Variants in LRRK1 observed in about 807,000 individuals in gnomAD.
The protein encoded by LRRK1 is leucine-rich repeat serine/threonine-protein kinase 1.
LRRK1 carries 113 observed loss-of-function variants against 209.1 expected under a neutral mutation model. The observed-to-expected ratio is 0.54, with a 90% CI of 0.46 to 0.63. The LOEUF (loss-of-function observed/expected upper bound fraction) is 0.63. Among genes scored for constraint, LRRK1 ranks in the 30% least tolerant of loss-of-function variants. The pLI, the probability that LRRK1 is intolerant of heterozygous loss-of-function variation, is 0.00. For missense variants in LRRK1, 2,284 were observed against 2,632.2 expected (o/e 0.87, Z 2.89); for synonymous variants, 1,144 against 1,099.7 (o/e 1.04, Z -0.80).
In LRRK1 at chr15:101,071,638, C is replaced by T. The variant is rs1430911863; in HGVS notation, c.*2790C>T. On this transcript the variant is annotated 3_prime_UTR_variant, in exon 34 of 34. Coordinates refer to ENST00000388948, the MANE Select transcript of LRRK1 (RefSeq NM_024652.6). ...CTCCTGAGCTCAGGTGATCCGCCCG[C>T]CTCATCCTCCCAAAGTGCTGGGATT... 6.6e-6 allele frequency: 1 copy of T among 152,232 alleles called. No individual in the cohort carries two copies. The highest frequency in any genetic ancestry group is 2.4e-5 in the African/African-American group (1 of 41,454). 9.4% of individuals were successfully genotyped at this position (152,232 alleles called of 1,614,324 possible).
intron 33 of LRRK1, chr15:101,067,432 T>TACTTTG: frequency 8.0e-6 from 1 of 124,330 alleles, no homozygotes; most frequent in African/African-American, 4.5e-5. Context: ...TGTGTGTGTG[T>TACTTTG]GTGTGTGTGT....
rs1335611488 is a variant in LRRK1, at chr15:101,073,590, C to T, written c.*4742C>T. Reference sequence around the variant, plus strand: ...GCGCCCCAATCCCTTATTTCTGTGCCCCAACCTCTTATCTCTGTGCCCCAA... The same window carrying T: ...GCGCCCCAATCCCTTATTTCTGTGCTCCAACCTCTTATCTCTGTGCCCCAA... On this transcript the variant is annotated 3_prime_UTR_variant, in exon 34 of 34. Coordinates refer to ENST00000388948, the MANE Select transcript of LRRK1 (RefSeq NM_024652.6). The T allele has an allele frequency of 1.3e-5, 2 of 152,016 alleles. No homozygotes were observed. The highest frequency in any genetic ancestry group is 2.9e-5 in the Non-Finnish European group (2 of 68,014). The allele number at this position is 152,016 out of a possible 1,614,324, so 9.4% of individuals were successfully genotyped here. A position where few individuals can be genotyped will look rare whatever the true frequency, so the allele number is the denominator to read the frequency against.
At position 101,068,972 on chromosome 15, in the gene LRRK1, TTGC is replaced by T; in HGVS notation, c.*129_*131del. Reference sequence around the variant, plus strand: ...CAGATGGAGTTCTCCCCTGAACTCCTTGCTGCTAAGAAGTGCTGAGAAGTTACT... The same window carrying T: ...CAGATGGAGTTCTCCCCTGAACTCCTTGCTAAGAAGTGCTGAGAAGTTACT... On this transcript the variant is annotated 3_prime_UTR_variant, in exon 34 of 34. Coordinates refer to ENST00000388948, the MANE Select transcript of LRRK1 (RefSeq NM_024652.6). 1 of 962,702 alleles carries T rather than the reference TTGC, an allele frequency of 1.0e-6. No homozygotes were observed. Among genetic ancestry groups the T allele is most frequent in the East Asian group, 2.8e-5 (1 of 35,348 alleles). The allele number at this position is 962,702 out of a possible 1,614,324, so 59.6% of individuals were successfully genotyped here. A position where few individuals can be genotyped will look rare whatever the true frequency, so the allele number is the denominator to read the frequency against.
chr15:101,025,333 G>GCTGAGGT (rs2033977601), intron 16 of LRRK1, among the ~76,000 whole-genome samples: 3 of 152,182 alleles, frequency 2.0e-5, no homozygotes, highest in Non-Finnish European at 2.9e-5. Flanking sequence ...CCGTGGAGGA[G>GCTGAGGT]GTCACAGAAC....
At chr15:101,055,597 A>G (rs2035751628) in intron 27 of LRRK1, among the ~76,000 whole-genome samples, 1 of 152,172 alleles carries the variant, frequency 6.6e-6, no homozygotes, top group Non-Finnish European at 1.5e-5. Context: ...ACTCAGGAGG[A>G]GCAGACAGAA....
chr15:101,055,751 G>A (rs1487122306), intron 27 of LRRK1, among the ~76,000 whole-genome samples: 3 of 152,334 alleles, frequency 2.0e-5, no homozygotes, highest in South Asian at 2.1e-4. Context: ...ATGACTAAAT[G>A]TTGATCTTCT....
intron 12 of LRRK1, among the ~76,000 whole-genome samples, chr15:101,019,975 A>G (rs1340667652): frequency 1.3e-5 from 2 of 152,260 alleles, no homozygotes; most frequent in African/African-American, 4.8e-5. Context: ...TAATTAATAA[A>G]GTCACTTAAA....
intron 33 of LRRK1, 141 bp downstream of exon 33, chr15:101,066,882 T>C: frequency 3.8e-6 from 3 of 791,118 alleles, no homozygotes; most frequent in Non-Finnish European, 6.1e-6. Context: ...TAAGGCAAAG[T>C]GGAAACAAGA....
intron 2 of LRRK1, among the ~76,000 whole-genome samples, chr15:100,953,473 G>T (rs1323473769): frequency 6.6e-6 from 1 of 150,570 alleles, no homozygotes; most frequent in African/African-American, 2.4e-5. Context: ...TTTAAAGGTT[G>T]TATAGTATTC....
rs778726767 is a variant in LRRK1, at chr15:101,008,942, C to T, written c.868C>T (p.Leu290=). The T allele has an allele frequency of 1.9e-6, 3 of 1,614,202 alleles. No homozygotes were observed. Among genetic ancestry groups the T allele is most frequent in the East Asian group, 4.5e-5 (2 of 44,876 alleles). ...ITELDLSANC[L]ATLPSVIPWG... ...GGAGCTCGACCTTTCTGCCAACTGC[C>T]TGGCGACCCTCCCCTCGGTTATCCC... The change falls in exon 7 of 34, where the codon CTG becomes TTG. Residue 290 remains leucine, a synonymous_variant. Coordinates refer to ENST00000388948, the MANE Select transcript of LRRK1 (RefSeq NM_024652.6).
intron 2 of LRRK1, among the ~76,000 whole-genome samples, chr15:100,944,981 G>A (rs1199322593): frequency 2.6e-5 from 4 of 151,628 alleles, no homozygotes; most frequent in African/African-American, 4.9e-5. Context: ...TCTGTGCCTT[G>A]CCTGTTTCTT....
intron 2 of LRRK1, among the ~76,000 whole-genome samples, chr15:100,925,412 A>G (rs1228873058): frequency 1.3e-5 from 2 of 152,212 alleles, no homozygotes; most frequent in African/African-American, 2.4e-5. Context: ...CGGGAGTGCT[A>G]TGTGCAGTTA....
intron 2 of LRRK1, among the ~76,000 whole-genome samples, chr15:100,945,328 A>G (rs1384271709): frequency 6.6e-6 from 1 of 152,128 alleles, no homozygotes; most frequent in Non-Finnish European, 1.5e-5. Flanking sequence ...ATTTATTACC[A>G]AATGTTTGCT....
chr15:101,068,963 C>A lies in LRRK1; in HGVS notation c.*115C>A. 1 of 1,024,700 alleles carries A rather than the reference C, an allele frequency of 9.8e-7. No homozygotes were observed. Among genetic ancestry groups the A allele is most frequent in the Non-Finnish European group, 1.4e-6 (1 of 724,370 alleles). The allele number at this position is 1,024,700 out of a possible 1,614,324, so 63.5% of individuals were successfully genotyped here. On this transcript the variant is annotated 3_prime_UTR_variant, in exon 34 of 34. Transcript: ENST00000388948. ...CCTAGAAGACAGATGGAGTTCTCCC[C>A]TGAACTCCTTGCTGCTAAGAAGTGC... is the stretch of plus-strand genomic sequence containing the variant.
intron 2 of LRRK1, among the ~76,000 whole-genome samples, chr15:100,942,190 G>A (rs1051604777): frequency 6.6e-6 from 1 of 152,194 alleles, no homozygotes; most frequent in African/African-American, 2.4e-5. Flanking sequence ...GAGTGAGAAT[G>A]TCAAGAACCG....
intron 2 of LRRK1, among the ~76,000 whole-genome samples, chr15:100,968,378 T>G (rs577833415): frequency 3.6e-4 from 55 of 152,230 alleles, no homozygotes; most frequent in Non-Finnish European, 6.3e-4. Context: ...GGTCACAGGG[T>G]AGGTATACAT....
chr15:101,065,372 G>C lies in LRRK1; in HGVS notation c.4935G>C (p.Ala1645=), dbSNP rs150351638. The C allele has an allele frequency of 1.9e-6, 3 of 1,613,784 alleles. No individual in the cohort carries two copies. The highest frequency in any genetic ancestry group is 4.5e-5 in the East Asian group (2 of 44,888). ...TTCAGAATTCCTACCTGGTCTTAGC[G>C]GGCCTCGCCGATGGGCTTGTGGCTG... The part of the protein sequence containing the change: ...VIKKNSYLVL[A]GLADGLVAVF... The change falls in exon 32 of 34, where the codon GCG becomes GCC. Residue 1645 remains alanine (A), a synonymous_variant. Coordinates refer to ENST00000388948, the MANE Select transcript of LRRK1 (RefSeq NM_024652.6).
At chr15:101,015,222 A>G (rs979189963) in intron 11 of LRRK1, 104 bp from the exon 12 acceptor site, 5 of 883,474 alleles carry the variant, frequency 5.7e-6, no homozygotes, top group African/African-American at 5.0e-5. Flanking sequence ...AGAGTTGCAC[A>G]TGAATTGCTC....
intron 2 of LRRK1, among the ~76,000 whole-genome samples, chr15:100,930,122 C>T (rs2042183017): frequency 6.6e-6 from 1 of 152,234 alleles, no homozygotes. Flanking sequence ...TTTCTGTGGG[C>T]AGCTCTGGTA....
Sources: gnomAD v4.1 joint callset for allele counts (sites outside exome capture counted in the v4.1 genomes callset) on GRCh38, gnomAD v4.1.1 for gene constraint, MANE v1.5 for transcripts, NCBI Gene and HGNC (gene_info 2026-07-23, HGNC 2026-07-21) for gene names.